Variants in TBXAS1 observed in about 807,000 individuals in gnomAD.
The protein encoded by TBXAS1 is thromboxane A synthase 1.
A neutral mutation model predicts 60.7 loss-of-function variants in TBXAS1; 48 were observed. The ratio of observed to expected loss-of-function variants is 0.79; its 90% CI spans 0.63 to 1.01. The LOEUF (loss-of-function observed/expected upper bound fraction) is 1.01, where lower values mean the gene tolerates loss of function less well. Among genes scored for constraint, TBXAS1 ranks in the 50% least tolerant of loss-of-function variants. The pLI is 0.00. For missense variants in TBXAS1, 685 were observed against 686.3 expected (o/e 1.00, Z 0.02); for synonymous variants, 287 against 269.7 (o/e 1.06, Z -0.63).
At chr7:139,813,068 A>G (rs1462388091) in intron 4 of TBXAS1, among the ~76,000 whole-genome samples, 1 of 112,458 alleles carries the variant, frequency 8.9e-6, no homozygotes, top group African/African-American at 3.5e-5. Context: ...AATAAATAAA[A>G]TAAAATAAAT....
At chr7:139,958,326 T>C (rs1810041686) in intron 8 of TBXAS1, among the ~76,000 whole-genome samples, 2 of 152,224 alleles carry the variant, frequency 1.3e-5, no homozygotes, top group Admixed American at 6.5e-5. Context: ...TCTTTCCTCC[T>C]TGCAGATTTG....
chr7:139,969,226 C>A (rs1219004588), intron 9 of TBXAS1, among the ~76,000 whole-genome samples: 1 of 152,124 alleles, frequency 6.6e-6, no homozygotes, highest in East Asian at 1.9e-4. Context: ...ACAGTTATGC[C>A]TTAGAAGGAA....
chr7:139,827,208 C>T (rs187514224), upstream of TBXAS1, among the ~76,000 whole-genome samples: 1 of 152,316 alleles, frequency 6.6e-6, no homozygotes, highest in Non-Finnish European at 1.5e-5. Flanking sequence ...GTGACCACAG[C>T]CTTCTGTAAC....
At chr7:139,864,778 A>C (rs931709395) in intron 1 of TBXAS1, among the ~76,000 whole-genome samples, 1 of 152,216 alleles carries the variant, frequency 6.6e-6, no homozygotes, top group Non-Finnish European at 1.5e-5. Context: ...AGCAGGCACA[A>C]CATCCCTTTG....
At chr7:139,785,216 T>C (rs1208284209) in intron 3 of TBXAS1, among the ~76,000 whole-genome samples, 4 of 152,142 alleles carry the variant, frequency 2.6e-5, no homozygotes, top group African/African-American at 9.7e-5. Flanking sequence ...CCCTGTTTCT[T>C]GATGGACTGG....
chr7:139,961,783 C>A, intron 8 of TBXAS1, 136 bp from the exon 9 acceptor site: 1 of 1,093,424 alleles, frequency 9.1e-7, no homozygotes, highest in Non-Finnish European at 1.3e-6. Flanking sequence ...CCCAGATAAC[C>A]CAGCAATGAG....
Position 139,934,378 on chromosome 7 carries a change from G to A in TBXAS1, c.334-1813G>A, listed in dbSNP as rs181290027. Among the ~76,000 whole-genome samples the A allele has an allele frequency of 2.3e-3, 356 of 152,114 alleles. 2 individuals carry two copies. Among genetic ancestry groups the A allele is most frequent in the African/African-American group, 8.2e-3 (341 of 41,504 alleles). ...TAATTTTTGTATTTTAGTAGAGACGGAGTTTCACCATGTTGGCCAGGCTGG... is the reference window on the plus strand; with the variant it reads ...TAATTTTTGTATTTTAGTAGAGACGAAGTTTCACCATGTTGGCCAGGCTGG... On this transcript the variant is annotated intron_variant, in intron 4 of 12. Coordinates refer to ENST00000448866, the MANE Select transcript of TBXAS1 (RefSeq NM_001061.7).
At chr7:140,012,615 T>C (rs896938483) in intron 10 of TBXAS1, among the ~76,000 whole-genome samples, 5 of 152,066 alleles carry the variant, frequency 3.3e-5, no homozygotes, top group Non-Finnish European at 4.4e-5. Context: ...CACGACACCA[T>C]GCTTGGCTAA....
At chr7:139,875,475 T>A in intron 2 of TBXAS1, 110 bp from the exon 3 acceptor site, 1 of 915,554 alleles carries the variant, frequency 1.1e-6, no homozygotes, top group South Asian at 1.4e-5. Flanking sequence ...CATTCTTTTT[T>A]ATTGTTTCTG....
At chr7:139,900,591 ACACAAACTAACTTTAG>A (rs1187824649) in intron 3 of TBXAS1, among the ~76,000 whole-genome samples, 1 of 152,252 alleles carries the variant, frequency 6.6e-6, no homozygotes, top group African/African-American at 2.4e-5. Flanking sequence ...GGGAAACCCA[ACACAAACTAACTTTAG>A]CACAAACTAA....
chr7:139,830,014 T>A (rs180793891), intron 1 of TBXAS1, among the ~76,000 whole-genome samples: 3 of 152,312 alleles, frequency 2.0e-5, no homozygotes, highest in Admixed American at 2.0e-4. Flanking sequence ...AGATGGATTC[T>A]GATGAACATA....
intron 2 of TBXAS1, among the ~76,000 whole-genome samples, chr7:139,874,370 C>T (rs1802058985): frequency 6.6e-6 from 1 of 152,140 alleles, no homozygotes; most frequent in African/African-American, 2.4e-5. Context: ...GCGTAGCTGT[C>T]GACATGAGGA....
intron 4 of TBXAS1, among the ~76,000 whole-genome samples, chr7:139,787,586 TC>T (rs1388156455): frequency 2.6e-5 from 4 of 152,122 alleles, no homozygotes; most frequent in Non-Finnish European, 4.4e-5. Context: ...ACCACCGGGT[TC>T]CTGAGTTTGA....
chr7:139,781,837 C>CAAAAAAAAAAAAAAAA, intron 2 of TBXAS1, among the ~76,000 whole-genome samples: 1 of 67,312 alleles, frequency 1.5e-5, no homozygotes, highest in Non-Finnish European at 2.7e-5. Context: ...AATTCCATCT[C>CAAAAAAAAAAAAAAAA]AAAAAAAAAA....
intron 4 of TBXAS1, among the ~76,000 whole-genome samples, chr7:139,798,441 T>G (rs978291999): frequency 6.6e-6 from 1 of 152,172 alleles, no homozygotes; most frequent in Non-Finnish European, 1.5e-5. Flanking sequence ...CGTTATTAAC[T>G]GCCTAACATA....
intron 4 of TBXAS1, among the ~76,000 whole-genome samples, chr7:139,791,586 G>A (rs1235939224): frequency 2.0e-5 from 3 of 152,142 alleles, no homozygotes; most frequent in Non-Finnish European, 4.4e-5. Context: ...TGATATATTC[G>A]TGAGAGGATT....
intron 1 of TBXAS1, among the ~76,000 whole-genome samples, chr7:139,833,805 T>C (rs1053214427): frequency 6.6e-6 from 1 of 152,056 alleles, no homozygotes; most frequent in Admixed American, 6.5e-5. Flanking sequence ...CTTCCAAATT[T>C]ACAAAACAAT....
chr7:139,943,509 A>G (rs145869061), intron 5 of TBXAS1, among the ~76,000 whole-genome samples: 5 of 152,378 alleles, frequency 3.3e-5, no homozygotes, highest in African/African-American at 7.2e-5. Context: ...TGCCAGAATT[A>G]TAATGTCACT....
At chr7:139,984,614 AAGAG>A (rs748137753) in intron 9 of TBXAS1, among the ~76,000 whole-genome samples, 2,978 of 65,594 alleles carry the variant, frequency 0.045, 197 homozygotes, top group Middle Eastern at 0.063. Flanking sequence ...ATAAGAAAGA[AAGAG>A]AGAGAGAGAG....
Sources: gnomAD v4.1 joint callset for allele counts (sites outside exome capture counted in the v4.1 genomes callset) on GRCh38, gnomAD v4.1.1 for gene constraint, MANE v1.5 for transcripts, NCBI Gene and HGNC (gene_info 2026-07-23, HGNC 2026-07-21) for gene names.